The following GPC5 variants were observed in gnomAD, a reference collection of about 807,000 sequenced individuals.
GPC5 encodes the protein glypican 5, also known as glypican-5.
In GPC5, 47 loss-of-function variants were observed where a neutral mutation model predicts 53.9. That is an observed-to-expected ratio of 0.87 (90% confidence interval 0.69 to 1.11). GPC5 has a LOEUF of 1.11. Ranked by LOEUF, GPC5 falls within the 50% of genes most tolerant of loss-of-function variation. The probability of loss-of-function intolerance (pLI) is 0.00; values close to 1 mark genes in which losing one functional copy is unlikely to be tolerated. For missense variants in GPC5, 748 were observed against 713.1 expected (o/e 1.05, Z -0.56); for synonymous variants, 286 against 263.3 (o/e 1.09, Z -0.84).
chr13:91,954,216 G>A (rs2040052836), intron 6 of GPC5, among the ~76,000 whole-genome samples: 1 of 152,036 alleles, frequency 6.6e-6, no homozygotes, highest in Admixed American at 6.6e-5. Context: ...AAAAAGGGAT[G>A]GCTAGTCCCA....
At chr13:91,966,111 C>A (rs925487046) in intron 6 of GPC5, among the ~76,000 whole-genome samples, 1 of 152,110 alleles carries the variant, frequency 6.6e-6, no homozygotes, top group African/African-American at 2.4e-5. Flanking sequence ...CATACGGACA[C>A]GTGAAAGCCA....
chr13:92,108,357 A>G (rs1488967484), intron 6 of GPC5, among the ~76,000 whole-genome samples: 4 of 152,228 alleles, frequency 2.6e-5, no homozygotes, highest in African/African-American at 9.6e-5. Flanking sequence ...TCTGAAAACC[A>G]TACTTCAAGT....
intron 2 of GPC5, among the ~76,000 whole-genome samples, chr13:91,494,032 C>T (rs972990131): frequency 6.6e-6 from 1 of 151,014 alleles, no homozygotes; most frequent in Non-Finnish European, 1.5e-5. Context: ...CACCACCACA[C>T]CCGGCTAATT....
At chr13:91,781,409 A>G (rs1453792824) in intron 5 of GPC5, among the ~76,000 whole-genome samples, 2 of 152,254 alleles carry the variant, frequency 1.3e-5, no homozygotes, top group African/African-American at 4.8e-5. Flanking sequence ...ATTTACTTCA[A>G]TACTCACTAA....
In GPC5 at chr13:92,017,338, CTCT is replaced by C. The variant is rs376327685; in HGVS notation, c.1401+109283_1401+109285del. Among the ~76,000 whole-genome samples the C allele has an allele frequency of 1.1e-4, 17 of 152,184 alleles. No individual in the cohort carries two copies. In the East Asian group the frequency reaches 1.2e-3, roughly 10 times the overall value. On this transcript the variant is annotated intron_variant, in intron 6 of 7. Transcript: ENST00000377067. ...CTGGTTCTTAGGTAGAGAGAGCTGG[CTCT>C]TTTTTTCTGCCTGTACTCATTGGTC...
intron 7 of GPC5, among the ~76,000 whole-genome samples, chr13:92,204,720 C>A (rs2042320414): frequency 6.6e-6 from 1 of 152,188 alleles, no homozygotes; most frequent in Non-Finnish European, 1.5e-5. Context: ...ACACATAGGG[C>A]AGAGTCTGGA....
intron 7 of GPC5, among the ~76,000 whole-genome samples, chr13:92,834,373 C>T (rs960802709): frequency 2.6e-5 from 4 of 151,994 alleles, no homozygotes; most frequent in Admixed American, 1.3e-4. Context: ...TGTTTTATCC[C>T]AATGGGTATT....
intron 5 of GPC5, among the ~76,000 whole-genome samples, chr13:91,838,264 C>T (rs929279753): frequency 6.6e-6 from 1 of 152,070 alleles, no homozygotes; most frequent in African/African-American, 2.4e-5. Flanking sequence ...CCTCTATGCT[C>T]CACAGAACTC....
At chr13:91,434,407 G>A (rs897613766) in intron 1 of GPC5, among the ~76,000 whole-genome samples, 20 of 152,018 alleles carry the variant, frequency 1.3e-4, no homozygotes, top group Non-Finnish European at 2.4e-4. Flanking sequence ...TCCAGTTTCA[G>A]CTTTCTACAT....
At chr13:91,855,831 G>A (rs12865389) in intron 5 of GPC5, among the ~76,000 whole-genome samples, 49,067 of 151,144 alleles carry the variant, frequency 0.32, 9,458 homozygotes, top group East Asian at 0.64. Context: ...ATTATATATT[G>A]AGGGAAATTG....
intron 7 of GPC5, among the ~76,000 whole-genome samples, chr13:92,792,913 T>C (rs1354990781): frequency 1.3e-5 from 2 of 152,100 alleles, no homozygotes; most frequent in Non-Finnish European, 2.9e-5. Context: ...CAAAGAGACT[T>C]AGACTCCCAC....
chr13:92,720,439 G>C (rs1246222581), intron 7 of GPC5, among the ~76,000 whole-genome samples: 2 of 151,926 alleles, frequency 1.3e-5, no homozygotes, highest in Non-Finnish European at 2.9e-5. Context: ...CCAAATATTT[G>C]ATTTTTCATG....
chr13:91,980,783 C>T (rs2040350147), intron 6 of GPC5, among the ~76,000 whole-genome samples: 1 of 152,200 alleles, frequency 6.6e-6, no homozygotes, highest in Non-Finnish European at 1.5e-5. Context: ...TGTCATGTCC[C>T]TTTCAATCAG....
chr13:91,407,940 G>T (rs530141291), intron 1 of GPC5, among the ~76,000 whole-genome samples: 1 of 151,998 alleles, frequency 6.6e-6, no homozygotes, highest in African/African-American at 2.4e-5. Flanking sequence ...GATAAAATTG[G>T]GTGTATTTAC....
chr13:92,041,437 G>A (rs1394413925), intron 6 of GPC5, among the ~76,000 whole-genome samples: 1 of 152,132 alleles, frequency 6.6e-6, no homozygotes, highest in Non-Finnish European at 1.5e-5. Flanking sequence ...GACCTTGACG[G>A]GCAGAAGACT....
At chr13:91,446,021 T>C (rs1367245643) in intron 1 of GPC5, among the ~76,000 whole-genome samples, 2 of 152,212 alleles carry the variant, frequency 1.3e-5, no homozygotes, top group Non-Finnish European at 1.5e-5. Context: ...ACTGTGAAGA[T>C]CTTGTGCCTA....
chr13:92,242,275 C>A (rs1360631853), intron 7 of GPC5, among the ~76,000 whole-genome samples: 4 of 151,498 alleles, frequency 2.6e-5, no homozygotes, highest in Non-Finnish European at 5.9e-5. Context: ...CCAAGCCCAC[C>A]AAGCCTTCTT....
At chr13:91,814,805 T>C (rs961581139) in intron 5 of GPC5, among the ~76,000 whole-genome samples, 2 of 152,132 alleles carry the variant, frequency 1.3e-5, no homozygotes, top group African/African-American at 4.8e-5. Context: ...CCTCCCAAAG[T>C]ACTGAGATTA....
At chr13:92,240,795 T>A (rs1405156742) in intron 7 of GPC5, 1 of 152,204 alleles carries the variant, frequency 6.6e-6, no homozygotes, top group African/African-American at 2.4e-5. Flanking sequence ...TGAGTCACCA[T>A]GCCTGGCCAT....
Sources: allele counts gnomAD v4.1 joint callset (sites outside exome capture counted in the v4.1 genomes callset), GRCh38; gene constraint gnomAD v4.1.1; transcripts MANE v1.5; gene names NCBI Gene and HGNC (gene_info 2026-07-23, HGNC 2026-07-21).